TMEM123: variants seen among roughly 807,000 people sequenced by gnomAD.
TMEM123 encodes porimin.
Under a neutral mutation model 19.7 loss-of-function variants are expected in TMEM123, and 16 were observed. The observed-to-expected ratio is 0.81, with a 90% CI of 0.55 to 1.23. The LOEUF is 1.23. Among genes scored for constraint, TMEM123 ranks in the 50% most tolerant of loss-of-function variants. TMEM123 has a pLI of 0.00. For synonymous variants in TMEM123, 118 were observed against 99.4 expected (o/e 1.19, Z -1.12); for missense variants, 313 against 257.8 (o/e 1.21, Z -1.47).
chr11:102,410,493 A>G (rs1199449400), intron 2 of TMEM123, among the ~76,000 whole-genome samples: 1 of 149,080 alleles, frequency 6.7e-6, no homozygotes, highest in Non-Finnish European at 1.5e-5. Context: ...CTCAATCCAC[A>G]ATAACCCCTG....
intron 2 of TMEM123, among the ~76,000 whole-genome samples, chr11:102,442,329 A>C (rs1484215805): frequency 6.6e-6 from 1 of 152,246 alleles, no homozygotes; most frequent in Middle Eastern, 3.2e-3. Flanking sequence ...CCAGCAGCAC[A>C]TCAAAAAGCT....
chr11:102,401,745 C>T (rs1327203210), intron 3 of TMEM123, 53 bp from the exon 4 acceptor site: 25 of 1,477,030 alleles, frequency 1.7e-5, no homozygotes, highest in Non-Finnish European at 2.0e-5. Flanking sequence ...TTTTTTTTAA[C>T]ATTGTAATTA....
intron 1 of TMEM123, among the ~76,000 whole-genome samples, chr11:102,450,425 T>C (rs983228549): frequency 6.6e-6 from 1 of 152,234 alleles, no homozygotes; most frequent in Admixed American, 6.5e-5. Context: ...ATGTCATTCA[T>C]TGGAATACTA....
intron 2 of TMEM123, among the ~76,000 whole-genome samples, chr11:102,441,347 C>T (rs1434173352): frequency 1.3e-5 from 2 of 152,202 alleles, no homozygotes; most frequent in Non-Finnish European, 2.9e-5. Flanking sequence ...AACTGTCTCT[C>T]GGACCACAGT....
intron 2 of TMEM123, among the ~76,000 whole-genome samples, chr11:102,439,557 A>G (rs1857801935): frequency 6.6e-6 from 1 of 152,216 alleles, no homozygotes; most frequent in African/African-American, 2.4e-5. Flanking sequence ...CACCATCATC[A>G]AAGACCAAAG....
intron 2 of TMEM123, among the ~76,000 whole-genome samples, chr11:102,438,988 T>C (rs1857795359): frequency 6.6e-6 from 1 of 152,210 alleles, no homozygotes; most frequent in Admixed American, 6.5e-5. Flanking sequence ...CCTTGCTCAC[T>C]GCTAGCACAG....
chr11:102,407,581 T>A (rs771825929), intron 2 of TMEM123, among the ~76,000 whole-genome samples: 26 of 152,230 alleles, frequency 1.7e-4, no homozygotes, highest in Non-Finnish European at 2.9e-4. Context: ...AGGTTAGGCT[T>A]ATTTATCCAT....
intron 2 of TMEM123, among the ~76,000 whole-genome samples, chr11:102,430,100 A>AT (rs548566985): frequency 7.5e-4 from 114 of 152,294 alleles, no homozygotes; most frequent in South Asian, 1.7e-3. Context: ...CTTCATCTTT[A>AT]TGGAAACAAA....
chr11:102,402,064 TG>T lies in TMEM123; in HGVS notation c.299del (p.Pro100GlnfsTer8). On this transcript the variant is annotated frameshift_variant, in exon 3 of 5. Transcript: ENST00000398136. LOFTEE classifies it high-confidence loss of function. Reference protein sequence around the residue: ...KPTAASNTTTPGMVSTNMTST... With the variant: ...KPTAASNTTTXGMVSTNMTST... ...AAGTCATATTTGTTGAGACCATCCC[TG>T]GTGTTGTTGTATTAGATGCCGCTGT... 1 of 1,614,160 alleles carries T rather than the reference TG, an allele frequency of 6.2e-7. No homozygotes were observed. The highest frequency in any genetic ancestry group is 8.5e-7 in the Non-Finnish European group (1 of 1,180,020).
At chr11:102,441,885 C>T (rs1384036790) in intron 2 of TMEM123, among the ~76,000 whole-genome samples, 1 of 152,176 alleles carries the variant, frequency 6.6e-6, no homozygotes, top group Non-Finnish European at 1.5e-5. Context: ...ACTGATCCCA[C>T]AGAAATACAA....
chr11:102,407,961 A>C (rs1951970185), intron 2 of TMEM123, among the ~76,000 whole-genome samples: 1 of 152,248 alleles, frequency 6.6e-6, no homozygotes, highest in Non-Finnish European at 1.5e-5. Flanking sequence ...GCAACGGTAC[A>C]ACTGGCACTA....
In TMEM123 at chr11:102,396,497, T is replaced by G. The variant is rs1473310968; in HGVS notation, c.*2370A>C. On this transcript the variant is annotated 3_prime_UTR_variant, in exon 5 of 5. Transcript: ENST00000398136. ...CAACTCTGTTTATCTGTATTTGAAT[T>G]ATTCCTTTCATGGATTATTCAAGGA... 2 of 152,260 alleles carry G rather than the reference T, an allele frequency of 1.3e-5. No individual in the cohort carries two copies. The highest frequency in any genetic ancestry group is 2.9e-5 in the Non-Finnish European group (2 of 68,042). The allele number at this position is 152,260 out of a possible 1,614,324, so 9.4% of individuals were successfully genotyped here.
chr11:102,406,625 C>T (rs1371831437), intron 2 of TMEM123, among the ~76,000 whole-genome samples: 7 of 152,006 alleles, frequency 4.6e-5, no homozygotes, highest in South Asian at 2.1e-4. Context: ...CCTGTAATCC[C>T]GGCACTTTGG....
At chr11:102,400,414 GT>G (rs760869486) in intron 4 of TMEM123, among the ~76,000 whole-genome samples, 21 of 152,184 alleles carry the variant, frequency 1.4e-4, no homozygotes, top group Non-Finnish European at 2.6e-4. Context: ...AACTGTCTTA[GT>G]TTACTTTAGT....
rs983051729 is a variant in TMEM123, at chr11:102,396,481, T to G, written c.*2386A>C. The G allele has an allele frequency of 6.6e-6, 1 of 152,246 alleles. No individual in the cohort carries two copies. Among genetic ancestry groups the G allele is most frequent in the Non-Finnish European group, 1.5e-5 (1 of 68,038 alleles). The allele number at this position is 152,246 out of a possible 1,614,324, so 9.4% of individuals were successfully genotyped here. A position where few individuals can be genotyped will look rare whatever the true frequency, so the allele number is the denominator to read the frequency against. On this transcript the variant is annotated 3_prime_UTR_variant, in exon 5 of 5. Coordinates refer to ENST00000398136, the MANE Select transcript of TMEM123 (RefSeq NM_052932.3). ...CACTATAATATACTGCCAACTCTGT[T>G]TATCTGTATTTGAATTATTCCTTTC...
Position 102,431,353 on chromosome 11 carries a change from A to G in TMEM123, c.157+17459T>C, listed in dbSNP as rs113995600. ...TTATGAATACATGTAGAATAATTTA[A>G]TCATGCTAATTAACATATCCATCAC... On this transcript the variant is annotated intron_variant, in intron 2 of 4. Transcript: ENST00000398136. 3.6e-3 allele frequency among the ~76,000 whole-genome samples: 552 copies of G among 152,332 alleles called. 4 individuals carry two copies. Among genetic ancestry groups the G allele is most frequent in the African/African-American group, 0.013 (526 of 41,566 alleles).
At chr11:102,413,111 G>C (rs921655524) in intron 2 of TMEM123, among the ~76,000 whole-genome samples, 23 of 152,162 alleles carry the variant, frequency 1.5e-4, no homozygotes, top group African/African-American at 5.6e-4. Flanking sequence ...AAGGTAAAAT[G>C]AACTTTTGAT....
At chr11:102,419,856 C>T (rs1052077105) in intron 2 of TMEM123, among the ~76,000 whole-genome samples, 3 of 152,178 alleles carry the variant, frequency 2.0e-5, no homozygotes, top group Non-Finnish European at 4.4e-5. Context: ...AACATTTCTC[C>T]CATGCTTGGA....
At chr11:102,399,484 A>T (rs912657196) in intron 4 of TMEM123, among the ~76,000 whole-genome samples, 2 of 152,118 alleles carry the variant, frequency 1.3e-5, no homozygotes, top group Non-Finnish European at 2.9e-5. Flanking sequence ...TCTTTCATGT[A>T]TTGACCTTAA....
Sources: allele counts gnomAD v4.1 joint callset (sites outside exome capture counted in the v4.1 genomes callset), GRCh38; gene constraint gnomAD v4.1.1; transcripts MANE v1.5; gene names NCBI Gene and HGNC (gene_info 2026-07-23, HGNC 2026-07-21).